Variants in UMODL1 observed in about 807,000 individuals in gnomAD.
UMODL1 encodes uromodulin like 1.
Under a neutral mutation model 136.3 loss-of-function variants are expected in UMODL1, and 128 were observed. That is an observed-to-expected ratio of 0.94 (90% CI 0.81 to 1.09). The LOEUF is 1.09. UMODL1 is among the 50% of genes least tolerant of loss of function. UMODL1 has a pLI of 0.00. For synonymous variants in UMODL1, 721 were observed against 720.0 expected (o/e 1.00, Z -0.02); for missense variants, 1,766 against 1,725.6 (o/e 1.02, Z -0.41).
At chr21:42,112,767 T>C (rs2066852551) in intron 12 of UMODL1, among the ~76,000 whole-genome samples, 1 of 151,864 alleles carries the variant, frequency 6.6e-6, no homozygotes, top group African/African-American at 2.4e-5. Flanking sequence ...TTGTCAGCTG[T>C]TCCGTACCCC....
upstream of UMODL1, among the ~76,000 whole-genome samples, chr21:42,069,349 T>A (rs2146408205): frequency 6.6e-6 from 1 of 152,018 alleles, no homozygotes; most frequent in African/African-American, 2.4e-5. Flanking sequence ...CTGTTAATTT[T>A]GGGATTTTTT....
In UMODL1 at chr21:42,117,335, C is replaced by T. The variant is rs373046367; in HGVS notation, c.2475+1350C>T. ...CATGCAGTCTCATCCATTCATTCAC[C>T]GAGCGCACTGGGCGGCTCCCGCCTT... On this transcript the variant is annotated intron_variant, in intron 14 of 22. Coordinates refer to ENST00000408910, the MANE Select transcript of UMODL1 (RefSeq NM_001004416.3). 5.9e-5 allele frequency among the ~76,000 whole-genome samples: 9 copies of T among 152,316 alleles called. No homozygotes were observed. The East Asian group carries it at 1.7e-3, about 29-fold the overall frequency.
chr21:42,087,814 G>A (rs949723424), intron 4 of UMODL1, among the ~76,000 whole-genome samples: 13 of 152,128 alleles, frequency 8.5e-5, no homozygotes, highest in East Asian at 5.8e-4. Context: ...TCAAGGTGTC[G>A]GCAGGGCTGG....
Position 42,124,418 on chromosome 21 carries a change from G to A in UMODL1, c.3147+1268G>A, listed in dbSNP as rs115784727. The stretch of plus-strand genomic sequence containing the variant: ...GGCTCGACCTAGAAAGGAGGCCAGC[G>A]TCGTTCCAAGGGTGAGTGAGAGAGC... On this transcript the variant is annotated intron_variant, in intron 17 of 22. Coordinates refer to ENST00000408910, the MANE Select transcript of UMODL1 (RefSeq NM_001004416.3). 9.1e-3 allele frequency among the ~76,000 whole-genome samples: 1,386 copies of A among 152,304 alleles called. 18 individuals are homozygous for A. Among genetic ancestry groups the A allele is most frequent in the African/African-American group, 0.03 (1,235 of 41,564 alleles).
In UMODL1 at chr21:42,139,324, C is replaced by T. The variant is rs189402615; in HGVS notation, c.*21+1683C>T. On this transcript the variant is annotated intron_variant, in intron 22 of 22. Transcript: ENST00000408910. ...GCAGAAGACCAAGGGGAAGCAGGCACGTCTTCCATGGCTGGAGCAGGAGGA... is the reference window on the plus strand; with the variant it reads ...GCAGAAGACCAAGGGGAAGCAGGCATGTCTTCCATGGCTGGAGCAGGAGGA... Among the ~76,000 whole-genome samples the T allele has an allele frequency of 2.0e-4, 30 of 152,250 alleles. 1 individual carries two copies. The East Asian group carries it at 4.4e-3, about 23-fold the overall frequency.
At position 42,099,127 on chromosome 21, in the gene UMODL1, C is replaced by G. The variant is rs1479607186; in HGVS notation, c.1133C>G (p.Thr378Ser). 2.5e-6 allele frequency: 4 copies of G among 1,613,916 alleles called. No homozygotes were observed. In the Admixed American group the frequency reaches 6.7e-5, roughly 27 times the overall value. ...GCTGGAGTGCTGTACAGGGTGAAGA[C>G]CAGCTACCAGGGGTGCGGGGCCGAC... ...LEAGVLYRVK[T>S]SYQGCGADVS... The change falls in exon 7 of 23, where the codon ACC (threonine) becomes AGC (serine). Residue 378 changes from threonine (T) to serine (S), a missense_variant. Coordinates refer to ENST00000408910, the MANE Select transcript of UMODL1 (RefSeq NM_001004416.3). The surrounding 1 kb of genome is among the most constrained non-coding windows in gnomAD (Gnocchi z 4.1).
At chr21:42,082,762 G>A (rs567756902) in intron 2 of UMODL1, among the ~76,000 whole-genome samples, 2 of 152,256 alleles carry the variant, frequency 1.3e-5, no homozygotes, top group Non-Finnish European at 2.9e-5. Flanking sequence ...CTGCGGCATC[G>A]GGCACACGCT....
intron 3 of UMODL1, among the ~76,000 whole-genome samples, chr21:42,084,879 A>G (rs1185058174): frequency 6.6e-6 from 1 of 151,428 alleles, no homozygotes; most frequent in African/African-American, 2.4e-5. Flanking sequence ...AGTATATATC[A>G]TATTACATAT....
At chr21:42,109,473 C>T in intron 9 of UMODL1, 89 bp from the exon 10 acceptor site, 1 of 1,558,282 alleles carries the variant, frequency 6.4e-7, no homozygotes, top group Non-Finnish European at 8.7e-7. Context: ...GCAAAGACGG[C>T]TAGGAAGGAC....
intron 21 of UMODL1, among the ~76,000 whole-genome samples, chr21:42,130,315 G>C (rs967727319): frequency 2.6e-5 from 4 of 152,030 alleles, no homozygotes; most frequent in African/African-American, 9.7e-5. Flanking sequence ...TGGCATATCT[G>C]TTCCCCCTCA....
intron 1 of UMODL1, among the ~76,000 whole-genome samples, chr21:42,072,748 T>A (rs958274833): frequency 2.6e-5 from 4 of 152,176 alleles, no homozygotes; most frequent in Non-Finnish European, 4.4e-5. Context: ...TTTGTGAGCC[T>A]GGGTGTGAGC....
intron 20 of UMODL1, chr21:42,128,225 G>A (rs1432649626): frequency 3.4e-6 from 1 of 297,570 alleles, no homozygotes; most frequent in African/African-American, 2.2e-5. Context: ...CAGACACTCT[G>A]TTATTTAATA....
intron 17 of UMODL1, among the ~76,000 whole-genome samples, chr21:42,124,566 C>T (rs1156619027): frequency 6.6e-6 from 1 of 152,026 alleles, no homozygotes; most frequent in Admixed American, 6.6e-5. Context: ...GGTGGACACT[C>T]ATGGGCAGGG....
intron 2 of UMODL1, among the ~76,000 whole-genome samples, chr21:42,080,126 A>T (rs897040435): frequency 6.6e-6 from 1 of 152,200 alleles, no homozygotes; most frequent in Non-Finnish European, 1.5e-5. Context: ...TGGCAGCGCG[A>T]ACTTCTCCAT....
chr21:42,129,704 A>T lies in UMODL1; in HGVS notation c.3691-9A>T. On this transcript the variant is annotated splice_polypyrimidine_tract_variant and intron_variant, in intron 20 of 22. Coordinates refer to ENST00000408910, the MANE Select transcript of UMODL1 (RefSeq NM_001004416.3). ...TTTGACGTTTCTCTTCTTGGAAAAAAAAAAACAGAATTGCAATAACTTTCG... is the reference window on the plus strand; with the variant it reads ...TTTGACGTTTCTCTTCTTGGAAAAATAAAAACAGAATTGCAATAACTTTCG... The T allele has an allele frequency of 2.5e-6, 4 of 1,573,772 alleles. No homozygotes were observed. The highest frequency in any genetic ancestry group is 3.4e-6 in the Non-Finnish European group (4 of 1,167,242).
At chr21:42,083,142 C>T (rs909019886) in intron 2 of UMODL1, among the ~76,000 whole-genome samples, 3 of 152,216 alleles carry the variant, frequency 2.0e-5, no homozygotes, top group Non-Finnish European at 2.9e-5. Flanking sequence ...CAACAGCCAG[C>T]GGGCTGGCCT....
At position 42,106,251 on chromosome 21, in the gene UMODL1, AG is replaced by A. The variant is rs112221856; in HGVS notation, c.1519+2169del. 3.3e-3 allele frequency among the ~76,000 whole-genome samples: 496 copies of A among 152,344 alleles called. 5 individuals are homozygous for A. The highest frequency in any genetic ancestry group is 0.011 in the African/African-American group (468 of 41,578). ...AGCACGAGGCCTGAGCCCAGCTTACAGGGGGACATCCACCCCCGCTGAGAGC... is the reference window on the plus strand; with the variant it reads ...AGCACGAGGCCTGAGCCCAGCTTACAGGGGACATCCACCCCCGCTGAGAGC... On this transcript the variant is annotated intron_variant, in intron 9 of 22. Transcript: ENST00000408910.
intron 14 of UMODL1, among the ~76,000 whole-genome samples, chr21:42,116,202 A>T (rs1172473414): frequency 6.8e-6 from 1 of 146,042 alleles, no homozygotes; most frequent in African/African-American, 2.6e-5. Flanking sequence ...AAAATACAAA[A>T]AATGAGCCTG....
intron 2 of UMODL1, among the ~76,000 whole-genome samples, chr21:42,081,846 C>G (rs756709414): frequency 2.0e-5 from 3 of 152,162 alleles, no homozygotes; most frequent in African/African-American, 4.8e-5. Flanking sequence ...GTCCCAGGAG[C>G]CCACCTTCCA....
Sources: allele counts gnomAD v4.1 joint callset (sites outside exome capture counted in the v4.1 genomes callset), GRCh38; gene constraint gnomAD v4.1.1; non-coding constraint Gnocchi (gnomAD v3.1); transcripts MANE v1.5; gene names NCBI Gene and HGNC (gene_info 2026-07-23, HGNC 2026-07-21).